The following ROBO2 variants were observed in gnomAD, a reference collection of about 807,000 sequenced individuals.
The protein encoded by ROBO2 is roundabout guidance receptor 2.
ROBO2 carries 53 observed loss-of-function variants against 160.8 expected under a neutral mutation model. The ratio of observed to expected loss-of-function variants is 0.33; its 90% CI spans 0.26 to 0.41. The LOEUF (loss-of-function observed/expected upper bound fraction) is 0.41, where lower values mean the gene tolerates loss of function less well. ROBO2 is among the 10% of genes least tolerant of loss of function. The pLI is 1.00. For synonymous variants in ROBO2, 664 were observed against 611.7 expected (o/e 1.09, Z -1.26); for missense variants, 1,577 against 1,722.4 (o/e 0.92, Z 1.49).
intron 2 of ROBO2, among the ~76,000 whole-genome samples, chr3:76,183,585 A>G (rs6800090): frequency 0.98 from 148,702 of 152,114 alleles, 72,771 homozygotes; most frequent in East Asian, 1. Context: ...AAGATTAAGT[A>G]AAGAGCTGTC....
chr3:77,146,136 C>T (rs2077099796), intron 2 of ROBO2, among the ~76,000 whole-genome samples: 1 of 152,196 alleles, frequency 6.6e-6, no homozygotes, highest in Admixed American at 6.5e-5. Context: ...ATTGTCTGGG[C>T]TTGTCGTCTT....
intron 2 of ROBO2, among the ~76,000 whole-genome samples, chr3:76,483,297 G>A (rs2079305757): frequency 7.1e-6 from 1 of 141,414 alleles, no homozygotes; most frequent in Non-Finnish European, 1.5e-5. Flanking sequence ...TATGTAACAT[G>A]TTAACTGTCA....
chr3:75,971,542 ACT>A (rs2064994571), intron 2 of ROBO2, among the ~76,000 whole-genome samples: 1 of 151,454 alleles, frequency 6.6e-6, no homozygotes, highest in South Asian at 2.1e-4. Flanking sequence ...ACTTTGTCAA[ACT>A]CTCTATGAGA....
intron 2 of ROBO2, among the ~76,000 whole-genome samples, chr3:76,062,335 A>AT (rs11391964): frequency 0.58 from 87,851 of 151,042 alleles, 25,880 homozygotes; most frequent in Middle Eastern, 0.74. Flanking sequence ...TTGAAACACA[A>AT]TTTTTTTTTT....
At chr3:76,058,056 T>G (rs952528002) in intron 2 of ROBO2, among the ~76,000 whole-genome samples, 9 of 151,986 alleles carry the variant, frequency 5.9e-5, no homozygotes, top group African/African-American at 2.2e-4. Context: ...AGGATAGTGT[T>G]ATAAGGTTCA....
At chr3:76,931,400 G>A (rs534491864) in intron 2 of ROBO2, among the ~76,000 whole-genome samples, 1 of 152,200 alleles carries the variant, frequency 6.6e-6, no homozygotes, top group South Asian at 2.1e-4. Context: ...TTCCATTGGA[G>A]ACACATTTTC....
At chr3:76,343,723 C>A (rs192194592) in intron 2 of ROBO2, among the ~76,000 whole-genome samples, 2 of 151,970 alleles carry the variant, frequency 1.3e-5, no homozygotes, top group Non-Finnish European at 2.9e-5. Flanking sequence ...CCTTAGAAGT[C>A]GAATGCAACC....
chr3:76,179,022 G>T (rs2073331601), intron 2 of ROBO2, among the ~76,000 whole-genome samples: 1 of 152,006 alleles, frequency 6.6e-6, no homozygotes, highest in African/African-American at 2.4e-5. Context: ...CCTCAATAAA[G>T]GGTATTTTAA....
chr3:76,170,496 A>G (rs956773425), intron 2 of ROBO2, among the ~76,000 whole-genome samples: 2 of 152,178 alleles, frequency 1.3e-5, no homozygotes, highest in Non-Finnish European at 2.9e-5. Context: ...AGCAAATGAT[A>G]CTGGCCAATA....
chr3:76,171,781 A>C (rs143911995), intron 2 of ROBO2, among the ~76,000 whole-genome samples: 67 of 152,222 alleles, frequency 4.4e-4, no homozygotes, highest in African/African-American at 1.6e-3. Flanking sequence ...TCTTTCTCTC[A>C]TCTTATTGCT....
At chr3:76,067,803 T>G (rs2068307088) in intron 2 of ROBO2, among the ~76,000 whole-genome samples, 1 of 150,992 alleles carries the variant, frequency 6.6e-6, no homozygotes, top group Admixed American at 6.6e-5. Context: ...TTAGGATTTT[T>G]ATGCAAAGCA....
intron 2 of ROBO2, among the ~76,000 whole-genome samples, chr3:76,628,433 GTT>G (rs10670772): frequency 1.5e-5 from 2 of 135,340 alleles, no homozygotes; most frequent in African/African-American, 2.8e-5. Context: ...TAATTTTTAG[GTT>G]TTTTTTTTTT....
intron 2 of ROBO2, among the ~76,000 whole-genome samples, chr3:76,570,790 C>T (rs2084909415): frequency 6.6e-6 from 1 of 152,144 alleles, no homozygotes; most frequent in South Asian, 2.1e-4. Context: ...TACTTAAAGT[C>T]ATCCATCTAG....
intron 2 of ROBO2, among the ~76,000 whole-genome samples, chr3:76,224,717 G>GAGT (rs2107436281): frequency 6.9e-6 from 1 of 144,840 alleles, no homozygotes; most frequent in East Asian, 2.1e-4. Context: ...CTTGAATCCT[G>GAGT]AGTATCCACA....
chr3:77,089,455 C>T (rs1273051311), intron 1 of ROBO2, among the ~76,000 whole-genome samples: 1 of 152,144 alleles, frequency 6.6e-6, no homozygotes, highest in African/African-American at 2.4e-5. Context: ...GTTTGACAAA[C>T]CTCTTTTATC....
intron 2 of ROBO2, among the ~76,000 whole-genome samples, chr3:76,727,198 G>C (rs922403806): frequency 6.6e-6 from 1 of 152,048 alleles, no homozygotes; most frequent in Admixed American, 6.6e-5. Flanking sequence ...TGATGTTTTG[G>C]CTGCTAGACT....
chr3:76,195,529 G>T (rs969474233), intron 2 of ROBO2, among the ~76,000 whole-genome samples: 1 of 152,210 alleles, frequency 6.6e-6, no homozygotes, highest in African/African-American at 2.4e-5. Flanking sequence ...AGAAGAATGT[G>T]ATTATTTGTG....
intron 2 of ROBO2, among the ~76,000 whole-genome samples, chr3:76,397,715 C>A (rs2077547829): frequency 6.6e-6 from 1 of 152,092 alleles, no homozygotes; most frequent in South Asian, 2.1e-4. Flanking sequence ...CCAAAAAACA[C>A]ATGAAAAAAT....
chr3:77,134,403 A>C (rs1158521168), intron 2 of ROBO2, among the ~76,000 whole-genome samples: 1 of 152,198 alleles, frequency 6.6e-6, no homozygotes, highest in African/African-American at 2.4e-5. Context: ...GCGACTTTTA[A>C]CCTAGTAATC....
Sources: gnomAD v4.1 joint callset for allele counts (sites outside exome capture counted in the v4.1 genomes callset) on GRCh38, gnomAD v4.1.1 for gene constraint, MANE v1.5 for transcripts, NCBI Gene and HGNC (gene_info 2026-07-23, HGNC 2026-07-21) for gene names.